The following CNGB1 variants were observed in gnomAD, a reference collection of about 807,000 sequenced individuals.
CNGB1 encodes cyclic nucleotide gated channel subunit beta 1.
CNGB1 carries 126 observed loss-of-function variants against 151.7 expected under a neutral mutation model. The observed-to-expected ratio is 0.83, with a 90% CI of 0.72 to 0.96. The LOEUF is 0.96. Ranked by LOEUF, CNGB1 falls within the 40% of genes least tolerant of loss-of-function variation. The pLI, the probability that CNGB1 is intolerant of heterozygous loss-of-function variation, is 0.00. For synonymous variants in CNGB1, 623 were observed against 635.1 expected, an observed-to-expected ratio of 0.98 and a Z score of 0.29; for missense variants, 1,698 against 1,627.0, an observed-to-expected ratio of 1.04 and a Z score of -0.75.
chr16:57,956,941 C>T (rs1433117258), intron 12 of CNGB1, among the ~76,000 whole-genome samples: 1 of 152,176 alleles, frequency 6.6e-6, no homozygotes, highest in African/African-American at 2.4e-5. Context: ...GCTGTGGAGC[C>T]TGGTTCTCCC....
intron 13 of CNGB1, among the ~76,000 whole-genome samples, chr16:57,950,046 T>C (rs1285449448): frequency 1.3e-5 from 2 of 152,154 alleles, no homozygotes; most frequent in African/African-American, 4.8e-5. Flanking sequence ...CAGTGAAAAA[T>C]GAAGATGCCC....
chr16:57,964,416 G>T, intron 3 of CNGB1, 71 bp downstream of exon 3: 1 of 1,576,560 alleles, frequency 6.3e-7, no homozygotes, highest in Non-Finnish European at 8.7e-7. Context: ...AGCCTCGTGG[G>T]CTCTGCGGCT....
intron 16 of CNGB1, among the ~76,000 whole-genome samples, chr16:57,937,767 A>T (rs1961551612): frequency 5.3e-5 from 8 of 152,236 alleles, no homozygotes; most frequent in Admixed American, 5.2e-4. Context: ...CAGAAGCAGT[A>T]ACTCTTCCTA....
chr16:57,927,414 C>T (rs1274377902), intron 17 of CNGB1, among the ~76,000 whole-genome samples: 9 of 152,234 alleles, frequency 5.9e-5, no homozygotes, highest in Non-Finnish European at 1.3e-4. Context: ...TCTCCCCTCT[C>T]AGGGCTGGGC....
chr16:57,897,533 C>A lies in CNGB1; in HGVS notation c.3106G>T (p.Val1036Phe). The change falls in exon 31 of 33, where the codon GTT becomes TTT. Residue 1036 changes from valine (V) to phenylalanine (F), a missense_variant. Physicochemically the swap from Val to Phe is conservative, Grantham distance 50. Coordinates refer to ENST00000251102, the MANE Select transcript of CNGB1 (RefSeq NM_001297.5). ...GCCGTGCGCCGGTTCCCGCCCCCAA[C>A]AGCCAGCAAGCTGGGGCAGAGAAGG... ...SVFGEISLLA[V>F]GGGNRRTANV... 1 of 1,614,142 alleles carries A rather than the reference C, an allele frequency of 6.2e-7. No homozygotes were observed. Among genetic ancestry groups the A allele is most frequent in the Non-Finnish European group, 8.5e-7 (1 of 1,180,052 alleles).
intron 21 of CNGB1, among the ~76,000 whole-genome samples, chr16:57,916,737 GC>G (rs1256479659): frequency 6.6e-6 from 1 of 152,144 alleles, no homozygotes; most frequent in Non-Finnish European, 1.5e-5. Flanking sequence ...CAGGGGTGGT[GC>G]ACGGGGCTGG....
At chr16:57,945,279 C>A (rs577660853) in intron 14 of CNGB1, among the ~76,000 whole-genome samples, 6 of 152,196 alleles carry the variant, frequency 3.9e-5, no homozygotes, top group Non-Finnish European at 5.9e-5. Flanking sequence ...GGGTTAAAGA[C>A]AGGTCTCCGG....
chr16:57,898,801 CCAGA>C (rs1231935262), intron 29 of CNGB1, among the ~76,000 whole-genome samples: 2 of 152,166 alleles, frequency 1.3e-5, no homozygotes, highest in Non-Finnish European at 2.9e-5. Context: ...GGATCTGAAC[CCAGA>C]CAGTCTGGTT....
intron 14 of CNGB1, among the ~76,000 whole-genome samples, chr16:57,940,939 G>T (rs1158106325): frequency 3.9e-5 from 6 of 152,108 alleles, no homozygotes; most frequent in African/African-American, 1.2e-4. Context: ...AGGGGTGAGG[G>T]TGCAGTGGGC....
chr16:57,958,417 C>T lies in CNGB1; in HGVS notation c.830G>A (p.Gly277Glu). 1 of 1,583,098 alleles carries T rather than the reference C, an allele frequency of 6.3e-7. No individual in the cohort carries two copies. The highest frequency in any genetic ancestry group is 8.6e-7 in the Non-Finnish European group (1 of 1,169,474). The part of the protein sequence containing the change: ...LPQPVLHGKI[G>E]EQEPDSPGIC... ...CATGAGCCCAGCACTGACCTGTTCCCCTATTTTCCCATGTAGCACTGGCTG... is the reference window on the plus strand; with the variant it reads ...CATGAGCCCAGCACTGACCTGTTCCTCTATTTTCCCATGTAGCACTGGCTG... The change falls in exon 11 of 33, where the codon GGG (glycine) becomes GAG (glutamate). Residue 277 changes from glycine (G) to glutamate (E), a missense_variant. Coordinates refer to ENST00000251102, the MANE Select transcript of CNGB1 (RefSeq NM_001297.5).
intron 32 of CNGB1, among the ~76,000 whole-genome samples, chr16:57,885,575 TCTCTTTC>T (rs1959901745): frequency 1.0e-5 from 1 of 99,540 alleles, no homozygotes; most frequent in Non-Finnish European, 2.0e-5. Flanking sequence ...TCTCTCTCTC[TCTCTTTC>T]TTTCTTTCTT....
In CNGB1 at chr16:57,940,410, C is replaced by T; in HGVS notation, c.1122-89G>A. ...GCCCTGCTGAGGGCCACGCTCTGTG[C>T]CAGGAGCGGAGGGTACAGAGATGCC... On this transcript the variant is annotated intron_variant, in intron 14 of 32. Transcript: ENST00000251102. 34 of 1,306,982 alleles carry T rather than the reference C, an allele frequency of 2.6e-5. No homozygotes were observed. The South Asian group carries it at 4.0e-4, about 15-fold the overall frequency. The allele number at this position is 1,306,982 out of a possible 1,614,324, so 81.0% of individuals were successfully genotyped here.
intron 16 of CNGB1, among the ~76,000 whole-genome samples, chr16:57,936,199 A>G (rs1188603515): frequency 6.6e-6 from 1 of 152,168 alleles, no homozygotes. Flanking sequence ...GGATCCAGAC[A>G]GCCCTCCCTC....
At chr16:57,926,995 A>T (rs1408824115) in intron 17 of CNGB1, among the ~76,000 whole-genome samples, 1 of 152,124 alleles carries the variant, frequency 6.6e-6, no homozygotes, top group Non-Finnish European at 1.5e-5. Flanking sequence ...AACAAAACAA[A>T]ACAAAATAAA....
At chr16:57,969,802 T>C (rs1410282623) in intron 1 of CNGB1, among the ~76,000 whole-genome samples, 1 of 152,208 alleles carries the variant, frequency 6.6e-6, no homozygotes, top group Non-Finnish European at 1.5e-5. Context: ...CAGGATGGCC[T>C]GGCCAGTGCG....
chr16:57,951,025 C>T (rs902948446), intron 12 of CNGB1, among the ~76,000 whole-genome samples: 2 of 152,178 alleles, frequency 1.3e-5, no homozygotes, highest in Non-Finnish European at 2.9e-5. Flanking sequence ...CCCATACGTT[C>T]GGCATTTGCT....
At position 57,939,418 on chromosome 16, in the gene CNGB1, C is replaced by T. The variant is rs372132297; in HGVS notation, c.1372+12G>A. ...TTCTTGCGCAACCCATCACCACCAC[C>T]ACCACACCTACCTCCTGAACTGGCA... On this transcript the variant is annotated intron_variant, in intron 16 of 32. Transcript: ENST00000251102. 6 of 1,614,078 alleles carry T rather than the reference C, an allele frequency of 3.7e-6. No homozygotes were observed. The highest frequency in any genetic ancestry group is 1.3e-5 in the African/African-American group (1 of 75,036).
At chr16:57,943,838 G>C (rs1961732970) in intron 14 of CNGB1, among the ~76,000 whole-genome samples, 1 of 152,028 alleles carries the variant, frequency 6.6e-6, no homozygotes, top group Admixed American at 6.6e-5. Context: ...AGATCCAAGG[G>C]AAATGAAAAC....
intron 25 of CNGB1, among the ~76,000 whole-genome samples, chr16:57,906,501 G>A (rs1318026566): frequency 1.3e-5 from 2 of 152,202 alleles, no homozygotes; most frequent in Non-Finnish European, 2.9e-5. Context: ...TAGGGGCTCT[G>A]CCTCTGATAG....
Sources: allele counts gnomAD v4.1 joint callset (sites outside exome capture counted in the v4.1 genomes callset), GRCh38; gene constraint gnomAD v4.1.1; transcripts MANE v1.5; gene names NCBI Gene and HGNC (gene_info 2026-07-23, HGNC 2026-07-21).